PDLIM5: variants seen among roughly 807,000 people sequenced by gnomAD.
PDLIM5 encodes the protein PDZ and LIM domain protein 5.
PDLIM5 carries 34 observed loss-of-function variants against 64.2 expected under a neutral mutation model. That is an observed-to-expected ratio of 0.53 (90% CI 0.40 to 0.71). The LOEUF (loss-of-function observed/expected upper bound fraction) is 0.71, where lower values mean the gene tolerates loss of function less well. Ranked by LOEUF, PDLIM5 falls within the 30% of genes least tolerant of loss-of-function variation. The pLI is 0.00. For synonymous variants in PDLIM5, 253 were observed against 269.1 expected, an observed-to-expected ratio of 0.94 and a Z score of 0.59; for missense variants, 683 against 733.6, an observed-to-expected ratio of 0.93 and a Z score of 0.80.
chr4:94,654,497 C>G lies in PDLIM5; in HGVS notation c.1321C>G (p.Pro441Ala), dbSNP rs201156978. The change falls in exon 10 of 13, where the codon CCA becomes GCA. Residue 441 changes from proline (P) to alanine (A), a missense_variant. Pro to Ala is a conservative substitution (Grantham distance 27). Transcript: ENST00000317968. ...FLVALGKSWH[P>A]EEFNCAHCKN... ...AGTGGCACTGGGGAAATCTTGGCAC[C>G]CAGAAGAATTCAACTGCGCTCACTG... is the stretch of plus-strand genomic sequence containing the variant. The G allele has an allele frequency of 1.1e-5, 18 of 1,612,216 alleles. No individual in the cohort carries two copies. Among genetic ancestry groups the G allele is most frequent in the Non-Finnish European group, 1.5e-5 (18 of 1,178,530 alleles).
intron 7 of PDLIM5, among the ~76,000 whole-genome samples, chr4:94,595,477 G>A (rs1468886685): frequency 6.6e-6 from 1 of 152,238 alleles, no homozygotes; most frequent in East Asian, 1.9e-4. Flanking sequence ...ATTTCTGGCT[G>A]AAGGCCATCA....
intron 2 of PDLIM5, among the ~76,000 whole-genome samples, chr4:94,460,079 CATT>C (rs1459470602): frequency 6.6e-5 from 10 of 152,180 alleles, no homozygotes; most frequent in Admixed American, 1.3e-4. Flanking sequence ...GCTACCCTGT[CATT>C]ATGCCAAGTT....
At chr4:94,570,333 T>C (rs1319139575) in intron 3 of PDLIM5, among the ~76,000 whole-genome samples, 3 of 152,124 alleles carry the variant, frequency 2.0e-5, no homozygotes, top group Admixed American at 6.6e-5. Flanking sequence ...GTTATTTCTT[T>C]CTCTCTGTAG....
At chr4:94,554,975 G>A (rs574661942) in intron 3 of PDLIM5, among the ~76,000 whole-genome samples, 2 of 152,224 alleles carry the variant, frequency 1.3e-5, no homozygotes, top group East Asian at 3.9e-4. Context: ...AGATGATTTT[G>A]CCCAACTCTA....
At chr4:94,605,664 G>A (rs1737850085) in intron 7 of PDLIM5, among the ~76,000 whole-genome samples, 1 of 152,170 alleles carries the variant, frequency 6.6e-6, no homozygotes, top group South Asian at 2.1e-4. Context: ...GTTTGGCTAA[G>A]CAATGAAGAG....
chr4:94,613,029 T>G (rs1377317543), intron 7 of PDLIM5, among the ~76,000 whole-genome samples: 1 of 151,816 alleles, frequency 6.6e-6, no homozygotes. Flanking sequence ...ATTAAAAATT[T>G]TCTTCTAAAT....
Position 94,662,403 on chromosome 4 carries a change from C to G in PDLIM5, c.1586-19C>G, listed in dbSNP as rs140161533. On this transcript the variant is annotated intron_variant, in intron 11 of 12. Coordinates refer to ENST00000317968, the MANE Select transcript of PDLIM5 (RefSeq NM_006457.5). ...TTCATCATGTTTAAATTATGTCTCT[C>G]TGCCCTCCCTTAATACAGATTATTA... The G allele has an allele frequency of 9.1e-6, 10 of 1,104,492 alleles. No individual in the cohort carries two copies. The African/African-American group carries it at 1.5e-4, about 17-fold the overall frequency. 68.4% of individuals were successfully genotyped at this position (1,104,492 alleles called of 1,614,324 possible).
intron 8 of PDLIM5, among the ~76,000 whole-genome samples, chr4:94,619,626 C>T (rs1486800612): frequency 3.3e-5 from 5 of 150,272 alleles, no homozygotes; most frequent in Admixed American, 6.6e-5. Context: ...GGCGACAGAG[C>T]GAGACTCCAT....
At chr4:94,495,159 C>G (rs746428244) in intron 2 of PDLIM5, among the ~76,000 whole-genome samples, 3 of 152,122 alleles carry the variant, frequency 2.0e-5, no homozygotes, top group Non-Finnish European at 4.4e-5. Context: ...GGTTTCCCGT[C>G]AGTATTATAT....
intron 2 of PDLIM5, chr4:94,456,352 C>T (rs1366515240): frequency 1.7e-6 from 1 of 605,062 alleles, no homozygotes; most frequent in Admixed American, 2.6e-5. Flanking sequence ...GCATGTGCCA[C>T]CACGCCTGGC....
At chr4:94,492,437 T>C (rs1414701007) in intron 2 of PDLIM5, among the ~76,000 whole-genome samples, 1 of 152,162 alleles carries the variant, frequency 6.6e-6, no homozygotes, top group African/African-American at 2.4e-5. Flanking sequence ...TTTTAATGTG[T>C]ATAATTCGGT....
At chr4:94,627,631 T>G (rs1221972049) in intron 8 of PDLIM5, among the ~76,000 whole-genome samples, 4 of 152,242 alleles carry the variant, frequency 2.6e-5, no homozygotes, top group African/African-American at 9.6e-5. Flanking sequence ...GTTTACGTAT[T>G]GTTTATGGCT....
chr4:94,640,575 G>T (rs189035220), intron 9 of PDLIM5, 125 bp downstream of exon 9: 2 of 555,658 alleles, frequency 3.6e-6, no homozygotes, highest in Non-Finnish European at 6.3e-6. Flanking sequence ...ATCCTATAGA[G>T]TACTAATTAT....
chr4:94,665,783 C>G lies in PDLIM5; in HGVS notation c.*1716C>G. ...TGGTTTTCTCTCAATAATAAGTGAA[C>G]CAATTTCAAATGTGATCACAAAGTT... On this transcript the variant is annotated 3_prime_UTR_variant, in exon 13 of 13. Transcript: ENST00000317968. 7.9e-7 allele frequency: 1 copy of G among 1,269,760 alleles called. No individual in the cohort carries two copies. Among genetic ancestry groups the G allele is most frequent in the Non-Finnish European group, 9.9e-7 (1 of 1,010,156 alleles). 78.7% of individuals were successfully genotyped at this position (1,269,760 alleles called of 1,614,324 possible).
At chr4:94,554,997 G>T (rs769533452) in intron 3 of PDLIM5, among the ~76,000 whole-genome samples, 15 of 151,846 alleles carry the variant, frequency 9.9e-5, no homozygotes, top group Non-Finnish European at 1.9e-4. Flanking sequence ...GCTAATGTGA[G>T]CACATTTCAG....
intron 2 of PDLIM5, among the ~76,000 whole-genome samples, chr4:94,517,692 A>G (rs1031781641): frequency 6.6e-6 from 1 of 152,134 alleles, no homozygotes; most frequent in African/African-American, 2.4e-5. Context: ...ACTATATCTG[A>G]TGGCATTCCT....
At chr4:94,594,217 A>G (rs1196919288) in intron 7 of PDLIM5, among the ~76,000 whole-genome samples, 1 of 152,032 alleles carries the variant, frequency 6.6e-6, no homozygotes, top group Non-Finnish European at 1.5e-5. Context: ...TTTTTTCTTG[A>G]TATTTTCTGT....
At chr4:94,452,261 G>A (rs1325619172) in intron 1 of PDLIM5, among the ~76,000 whole-genome samples, 1 of 152,192 alleles carries the variant, frequency 6.6e-6, no homozygotes, top group African/African-American at 2.4e-5. Flanking sequence ...CCGCAGCCCG[G>A]GCCGACCGGG....
intron 7 of PDLIM5, chr4:94,586,890 T>C: frequency 9.1e-7 from 1 of 1,098,174 alleles, no homozygotes; most frequent in Non-Finnish European, 1.3e-6. Flanking sequence ...TTATAAGGCA[T>C]GTTTTCTGCA....
Sources: allele counts gnomAD v4.1 joint callset (sites outside exome capture counted in the v4.1 genomes callset), GRCh38; gene constraint gnomAD v4.1.1; transcripts MANE v1.5; gene names NCBI Gene and HGNC (gene_info 2026-07-23, HGNC 2026-07-21).